DOCK10: variants seen among roughly 807,000 people sequenced by gnomAD.
DOCK10 encodes the protein dedicator of cytokinesis protein 10.
In DOCK10, 145 loss-of-function variants were observed where a neutral mutation model predicts 280.1. The observed-to-expected ratio is 0.52, with a 90% CI of 0.45 to 0.59. The LOEUF (loss-of-function observed/expected upper bound fraction) is 0.59, where lower values mean the gene tolerates loss of function less well. Among genes scored for constraint, DOCK10 ranks in the 20% least tolerant of loss-of-function variants. The pLI, the probability that DOCK10 is intolerant of heterozygous loss-of-function variation, is 0.00. For missense variants in DOCK10, 2,368 were observed against 2,651.7 expected (o/e 0.89, Z 2.35); for synonymous variants, 915 against 942.2 (o/e 0.97, Z 0.53).
At chr2:224,947,021 C>T (rs1481644805) in intron 1 of DOCK10, 9 of 1,464,894 alleles carry the variant, frequency 6.1e-6, no homozygotes, top group African/African-American at 5.8e-5. Flanking sequence ...TCTTCTGAAG[C>T]GTCACCAGGC....
intron 1 of DOCK10, among the ~76,000 whole-genome samples, chr2:225,023,459 A>C (rs1689836710): frequency 1.3e-5 from 2 of 152,222 alleles, no homozygotes; most frequent in African/African-American, 4.8e-5. Flanking sequence ...ATATAAAACG[A>C]TGCTCTACTT....
At chr2:224,852,315 G>A (rs1696799349) in intron 18 of DOCK10, 62 bp downstream of exon 18, 1 of 1,315,164 alleles carries the variant, frequency 7.6e-7, no homozygotes, top group Non-Finnish European at 1.1e-6. Flanking sequence ...CTGCAATGGT[G>A]GAAAGAATCC....
chr2:224,842,025 A>G (rs866558596), intron 22 of DOCK10, 129 bp from the exon 23 acceptor site: 2 of 670,138 alleles, frequency 3.0e-6, no homozygotes, highest in African/African-American at 1.8e-5. Context: ...TTTATTAAGG[A>G]GTCAGAGGAA....
intron 1 of DOCK10, among the ~76,000 whole-genome samples, chr2:225,016,558 TACATATATCTATGTGC>T (rs1162184134): frequency 2.0e-4 from 28 of 141,828 alleles, no homozygotes; most frequent in African/African-American, 7.3e-4. Context: ...TGCACATAGA[TACATATATCTATGTGC>T]ACATAGATAC....
In DOCK10 at chr2:224,845,219, T is replaced by C. The variant is rs1464808798; in HGVS notation, c.2465A>G (p.Asp822Gly). 6.3e-7 allele frequency: 1 copy of C among 1,577,860 alleles called. No individual in the cohort carries two copies. Among genetic ancestry groups the C allele is most frequent in the Admixed American group, 1.8e-5 (1 of 54,194 alleles). Residue 822 changes from aspartate to glycine, a missense_variant, in exon 21 of 56, where the codon GAT (aspartate) becomes GGT (glycine). Transcript: ENST00000258390. ...ATTCAATACCTTTCCACTTGCAGAA[T>C]CTTGAAAGCTTAAATAATTAGGAGG... Reference protein sequence around the residue: ...SLPPNYLSFQDSASGKHGGSD... With the variant: ...SLPPNYLSFQGSASGKHGGSD...
At chr2:224,767,989 C>T (rs1392373935) in intron 55 of DOCK10, among the ~76,000 whole-genome samples, 1 of 150,996 alleles carries the variant, frequency 6.6e-6, no homozygotes, top group Non-Finnish European at 1.5e-5. Context: ...TCTTGGTTTA[C>T]TGCAACCTCT....
intron 1 of DOCK10, among the ~76,000 whole-genome samples, chr2:224,938,549 C>G (rs547249579): frequency 5.9e-5 from 9 of 152,218 alleles, no homozygotes; most frequent in Non-Finnish European, 1.0e-4. Context: ...ATCTTGAAAT[C>G]CCCAAAACAA....
At chr2:224,975,517 C>T (rs978988539) in intron 1 of DOCK10, among the ~76,000 whole-genome samples, 6 of 152,144 alleles carry the variant, frequency 3.9e-5, no homozygotes, top group African/African-American at 1.4e-4. Context: ...CTTCTTCATA[C>T]ATATACTGAA....
intron 1 of DOCK10, among the ~76,000 whole-genome samples, chr2:224,938,136 T>C (rs1417289554): frequency 6.6e-6 from 1 of 152,180 alleles, no homozygotes; most frequent in Admixed American, 6.5e-5. Flanking sequence ...AACCTAGTCT[T>C]TTCAAGAAAC....
chr2:225,037,140 C>T (rs558728441), intron 1 of DOCK10, among the ~76,000 whole-genome samples: 12 of 152,264 alleles, frequency 7.9e-5, no homozygotes, highest in African/African-American at 2.6e-4. Context: ...GAGAAGCAGA[C>T]AGTTTTGAAG....
At chr2:225,014,106 T>A (rs1689527272) in intron 1 of DOCK10, among the ~76,000 whole-genome samples, 1 of 142,718 alleles carries the variant, frequency 7.0e-6, no homozygotes, top group African/African-American at 2.7e-5. Context: ...TTGTTTTTTT[T>A]TTTAAGAAAT....
At chr2:224,811,536 T>G (rs55822126) in intron 31 of DOCK10, among the ~76,000 whole-genome samples, 26,328 of 151,002 alleles carry the variant, frequency 0.17, 3,146 homozygotes, top group African/African-American at 0.38. Flanking sequence ...TTGCTTTTGG[T>G]GTTTTAGACA....
intron 1 of DOCK10, among the ~76,000 whole-genome samples, chr2:224,995,752 T>C (rs547388655): frequency 6.6e-6 from 1 of 152,342 alleles, no homozygotes; most frequent in African/African-American, 2.4e-5. Flanking sequence ...ATGTGGAAAG[T>C]GATAGCTGCA....
At chr2:224,992,356 T>G (rs1159367876) in intron 1 of DOCK10, among the ~76,000 whole-genome samples, 1 of 152,200 alleles carries the variant, frequency 6.6e-6, no homozygotes, top group Non-Finnish European at 1.5e-5. Context: ...TTAAAGTCAT[T>G]TACAATGTTC....
At chr2:224,807,569 G>T in intron 33 of DOCK10, 99 bp downstream of exon 33, 1 of 758,344 alleles carries the variant, frequency 1.3e-6, no homozygotes, top group Non-Finnish European at 2.2e-6. Flanking sequence ...TGCCTAGTAT[G>T]TTCACAGATG....
intron 1 of DOCK10, among the ~76,000 whole-genome samples, chr2:224,935,508 T>C (rs1254306205): frequency 6.6e-6 from 1 of 152,226 alleles, no homozygotes; most frequent in Non-Finnish European, 1.5e-5. Flanking sequence ...ACATATACTC[T>C]AGTGCCAGAA....
Position 224,853,064 on chromosome 2 carries a change from T to G in DOCK10, c.1947A>C (p.Glu649Asp). 1 of 1,610,814 alleles carries G rather than the reference T, an allele frequency of 6.2e-7. No individual in the cohort carries two copies. Among genetic ancestry groups the G allele is most frequent in the Non-Finnish European group, 8.5e-7 (1 of 1,177,808 alleles). ...CAAATTCTTCCACCTCCACTGTGGG[T>G]TCTGTTTGAGCCATCATGTTGAAAG... Reference protein sequence around the residue: ...VKPFNMMAQTEPTVEVEEFVY... With the variant: ...VKPFNMMAQTDPTVEVEEFVY... Residue 649 changes from glutamate to aspartate, a missense_variant, in exon 17 of 56, where the codon GAA becomes GAC. Around this residue, in one of 2 missense-constraint regions of DOCK10, gnomAD observed 1,209 missense variants for 1,250.9 expected, o/e 0.97. Transcript: ENST00000258390.
chr2:224,968,175 G>T (rs891890280), intron 1 of DOCK10, among the ~76,000 whole-genome samples: 2 of 152,236 alleles, frequency 1.3e-5, no homozygotes, highest in Admixed American at 6.5e-5. Context: ...TCAAGTATGT[G>T]TGAAACAAAC....
At chr2:224,797,752 G>GC (rs1692683506) in intron 42 of DOCK10, 80 bp downstream of exon 42, 1 of 1,464,888 alleles carries the variant, frequency 6.8e-7, no homozygotes. Context: ...ACTGAGAAAC[G>GC]CAAGGATTCC....
Sources: gnomAD v4.1 joint callset for allele counts (sites outside exome capture counted in the v4.1 genomes callset) on GRCh38, gnomAD v4.1.1 for gene constraint, gnomAD v4.1.1 regional missense constraint, MANE v1.5 for transcripts, NCBI Gene and HGNC (gene_info 2026-07-23, HGNC 2026-07-21) for gene names.